The following TM7SF3 variants were observed in gnomAD, a reference collection of about 807,000 sequenced individuals.
TM7SF3 encodes the protein seven span transmembrane protein.
In TM7SF3, 60 loss-of-function variants were observed where a neutral mutation model predicts 65.5. The ratio of observed to expected loss-of-function variants is 0.92; its 90% CI spans 0.74 to 1.14. The LOEUF is 1.14. Among genes scored for constraint, TM7SF3 ranks in the 50% most tolerant of loss-of-function variants. TM7SF3 has a pLI of 0.00. For missense variants in TM7SF3, 623 were observed against 684.8 expected (o/e 0.91, Z 1.01); for synonymous variants, 264 against 259.6 (o/e 1.02, Z -0.16).
intron 1 of TM7SF3, among the ~76,000 whole-genome samples, chr12:27,005,753 A>T (rs927013178): frequency 6.6e-6 from 1 of 152,220 alleles, no homozygotes; most frequent in Admixed American, 6.5e-5. Flanking sequence ...ACTTGACAAA[A>T]TAAGTAGGGG....
At chr12:26,980,002 T>C (rs1939747261) in intron 8 of TM7SF3, 66 bp from the exon 9 acceptor site, 1 of 1,582,870 alleles carries the variant, frequency 6.3e-7, no homozygotes, top group African/African-American at 1.3e-5. Context: ...GCCTTAGACA[T>C]ACAATACCGT....
At position 27,014,147 on chromosome 12, in the gene TM7SF3, C is replaced by T. The variant is rs1941353075; in HGVS notation, c.22G>A (p.Val8Ile). The T allele has an allele frequency of 1.3e-6, 2 of 1,565,034 alleles. No individual in the cohort carries two copies. Among genetic ancestry groups the T allele is most frequent in the South Asian group, 2.4e-5 (2 of 85,062 alleles). Residue 8 changes from valine (V) to isoleucine (I), a missense_variant, in exon 1 of 12, where the codon GTC becomes ATC. Val to Ile is a conservative substitution (Grantham distance 29, BLOSUM62 3). Transcript: ENST00000343028. MGFLQLL[V>I]VAVLASEHRV... Reference sequence around the variant, plus strand: ...TGTTCGGATGCCAGCACCGCTACGACCAGCAGCTGCAGGAACCCCATTGCT... The same window carrying T: ...TGTTCGGATGCCAGCACCGCTACGATCAGCAGCTGCAGGAACCCCATTGCT...
intron 6 of TM7SF3, among the ~76,000 whole-genome samples, chr12:26,985,478 AG>A (rs1940006036): frequency 6.6e-6 from 1 of 151,494 alleles, no homozygotes; most frequent in South Asian, 2.1e-4. Flanking sequence ...TACAAAAATT[AG>A]CAGGGTGTGG....
At chr12:26,986,896 T>C (rs1940123328) in intron 6 of TM7SF3, among the ~76,000 whole-genome samples, 2 of 152,174 alleles carry the variant, frequency 1.3e-5, no homozygotes, top group African/African-American at 4.8e-5. Context: ...CAAAGTTGAT[T>C]ACTCTCTCTT....
chr12:26,990,629 T>C lies in TM7SF3; in HGVS notation c.691-2A>G. 1 of 1,611,474 alleles carries C rather than the reference T, an allele frequency of 6.2e-7. No individual in the cohort carries two copies. The highest frequency in any genetic ancestry group is 1.1e-5 in the South Asian group (1 of 90,624). ...ATCATTAGCTGTTAGGGTAACCACC[T>C]GAAGCCAAAAATAACACATGATTAG... On this transcript the variant is annotated splice_acceptor_variant, in intron 5 of 11. Coordinates refer to ENST00000343028, the MANE Select transcript of TM7SF3 (RefSeq NM_016551.3). LOFTEE classifies it high-confidence loss of function.
chr12:26,978,202 A>G (rs1939656396), intron 9 of TM7SF3: 1 of 236,254 alleles, frequency 4.2e-6, no homozygotes, highest in Admixed American at 5.4e-5. Flanking sequence ...TAAAGGGTAT[A>G]TGCTAAAATT....
intron 5 of TM7SF3, among the ~76,000 whole-genome samples, chr12:26,993,044 T>G (rs1037764287): frequency 1.3e-5 from 2 of 151,542 alleles, no homozygotes; most frequent in Non-Finnish European, 2.9e-5. Context: ...TATCTGGGAC[T>G]ACAGGCACGC....
Position 26,976,346 on chromosome 12 carries a change from TCTTTAG to T in TM7SF3, c.1195_1200del (p.Leu399_Lys400del). On this transcript the variant is annotated inframe_deletion, in exon 10 of 12. Transcript: ENST00000343028. ...CAGAATACACCATCATCATGAAAAA[TCTTTAG>T]GTTTCCTGAAAAAGCAAAAAGAAAC... 6.2e-7 allele frequency: 1 copy of T among 1,613,434 alleles called. No individual in the cohort carries two copies. The highest frequency in any genetic ancestry group is 8.5e-7 in the Non-Finnish European group (1 of 1,179,608).
At chr12:26,989,206 C>T (rs916851355) in intron 6 of TM7SF3, among the ~76,000 whole-genome samples, 6 of 152,064 alleles carry the variant, frequency 3.9e-5, no homozygotes, top group African/African-American at 1.2e-4. Context: ...GAGGCCAAGG[C>T]GGGTGGATCA....
chr12:26,985,680 C>T (rs113211622), intron 6 of TM7SF3, among the ~76,000 whole-genome samples: 8,644 of 79,506 alleles, frequency 0.11, 341 homozygotes, highest in South Asian at 0.18. Context: ...TATATATATA[C>T]ACACACACAA....
intron 7 of TM7SF3, among the ~76,000 whole-genome samples, chr12:26,981,332 C>T (rs1439747320): frequency 6.6e-6 from 1 of 152,002 alleles, no homozygotes; most frequent in Non-Finnish European, 1.5e-5. Flanking sequence ...TATCAACACA[C>T]CAAAAAAACC....
At position 26,973,823 on chromosome 12, in the gene TM7SF3, C is replaced by T. The variant is rs1318287325; in HGVS notation, c.*142G>A. ...TCCTAATCCCCTAGTACACCCTTAC[C>T]ATATATCAATAAGGGCACCATAATA... On this transcript the variant is annotated 3_prime_UTR_variant, in exon 12 of 12. Transcript: ENST00000343028. 8.4e-6 allele frequency: 9 copies of T among 1,066,048 alleles called. No homozygotes were observed. Among genetic ancestry groups the T allele is most frequent in the African/African-American group, 1.6e-5 (1 of 63,048 alleles). 66.0% of individuals were successfully genotyped at this position (1,066,048 alleles called of 1,614,324 possible).
intron 6 of TM7SF3, among the ~76,000 whole-genome samples, chr12:26,987,070 C>A (rs1485597130): frequency 6.6e-6 from 1 of 152,182 alleles, no homozygotes; most frequent in African/African-American, 2.4e-5. Flanking sequence ...CTAAGTCACA[C>A]TGAGTGTGCC....
At position 26,972,095 on chromosome 12, in the gene TM7SF3, A is replaced by T. The variant is rs1939384204; in HGVS notation, c.*1870T>A. The T allele has an allele frequency of 6.6e-6, 1 of 152,362 alleles. No homozygotes were observed. Among genetic ancestry groups the T allele is most frequent in the Admixed American group, 6.5e-5 (1 of 15,306 alleles). 9.4% of individuals were successfully genotyped at this position (152,362 alleles called of 1,614,324 possible). A position where few individuals can be genotyped will look rare whatever the true frequency, so the allele number is the denominator to read the frequency against. On this transcript the variant is annotated 3_prime_UTR_variant, in exon 12 of 12. Transcript: ENST00000343028. The stretch of plus-strand genomic sequence containing the variant: ...CTCAGGCCTGCAGAGTCACCAGCTC[A>T]CAATAATTCAGTGCTCTGAAAGCTG...
chr12:26,979,084 G>A (rs1939695059), intron 9 of TM7SF3: 1 of 152,226 alleles, frequency 6.6e-6, no homozygotes, highest in Non-Finnish European at 1.5e-5. Flanking sequence ...TCTCTATAGA[G>A]TTGACAGCCT....
intron 1 of TM7SF3, 115 bp downstream of exon 1, chr12:27,013,963 A>T: frequency 1.1e-6 from 1 of 875,456 alleles, no homozygotes; most frequent in Non-Finnish European, 1.9e-6. Context: ...CCCAGCGTGT[A>T]CCAACGCCCC....
At chr12:26,982,889 T>C in intron 6 of TM7SF3, 30 bp from the exon 7 acceptor site, 2 of 1,451,566 alleles carry the variant, frequency 1.4e-6, no homozygotes, top group South Asian at 1.2e-5. Context: ...TAGTGGATAA[T>C]ACATCCAATT....
At chr12:27,012,349 T>A (rs531787652) in intron 1 of TM7SF3, among the ~76,000 whole-genome samples, 1 of 152,012 alleles carries the variant, frequency 6.6e-6, no homozygotes. Context: ...AGTGCCCTAT[T>A]ATAAGCAAGG....
At chr12:26,980,749 G>A in intron 7 of TM7SF3, 103 bp from the exon 8 acceptor site, 1 of 588,218 alleles carries the variant, frequency 1.7e-6, no homozygotes, top group South Asian at 2.3e-5. Flanking sequence ...ACAAATACAT[G>A]CTTAAGCTCC....
Sources: allele counts gnomAD v4.1 joint callset (sites outside exome capture counted in the v4.1 genomes callset), GRCh38; gene constraint gnomAD v4.1.1; transcripts MANE v1.5; gene names NCBI Gene and HGNC (gene_info 2026-07-23, HGNC 2026-07-21).